MSI1: variants seen among roughly 807,000 people sequenced by gnomAD.
MSI1 encodes the protein musashi RNA binding protein 1, also known as RNA-binding protein Musashi homolog 1.
A neutral mutation model predicts 54.4 loss-of-function variants in MSI1; 15 were observed. The observed-to-expected ratio is 0.28, with a 90% CI of 0.18 to 0.42. The LOEUF is 0.42. Ranked by LOEUF, MSI1 falls within the 20% of genes least tolerant of loss-of-function variation. The pLI is 1.00. For missense variants in MSI1, 304 were observed against 506.0 expected (o/e 0.60, Z 3.83); for synonymous variants, 200 against 196.5 (o/e 1.02, Z -0.15).
At chr12:120,341,171 C>A (rs901844350), downstream of MSI1, among the ~76,000 whole-genome samples, 9 of 152,206 alleles carry the variant, frequency 5.9e-5, no homozygotes, top group African/African-American at 1.7e-4. Flanking sequence ...CAGGCATGAG[C>A]CACTGTGACT....
At chr12:120,361,773 G>GCT (rs1222572315) in intron 6 of MSI1, among the ~76,000 whole-genome samples, 1 of 151,282 alleles carries the variant, frequency 6.6e-6, no homozygotes, top group Non-Finnish European at 1.5e-5. Flanking sequence ...TGTCCCCCTC[G>GCT]CTCCCTGGCA....
chr12:120,368,971 G>A lies in MSI1; in HGVS notation c.59+62C>T. 4 of 1,157,492 alleles carry A rather than the reference G, an allele frequency of 3.5e-6. No individual in the cohort carries two copies. The highest frequency in any genetic ancestry group is 4.3e-6 in the Non-Finnish European group (4 of 936,494). The allele number at this position is 1,157,492 out of a possible 1,614,324, so 71.7% of individuals were successfully genotyped here. ...GCTCCGGGGAGGCCCGGCCGGACCC[G>A]GATCGGCCATGTTGGCGGGGCCGGG... On this transcript the variant is annotated intron_variant, in intron 1 of 14. Coordinates refer to ENST00000257552, the MANE Select transcript of MSI1 (RefSeq NM_002442.4). The surrounding 1 kb of genome is among the most constrained non-coding windows in gnomAD (Gnocchi z 6.6).
intron 6 of MSI1, among the ~76,000 whole-genome samples, chr12:120,359,537 T>C (rs1423420943): frequency 6.6e-6 from 1 of 152,216 alleles, no homozygotes; most frequent in East Asian, 1.9e-4. Flanking sequence ...TTTCCTCTAA[T>C]TGAGGTTTCC....
Position 120,352,364 on chromosome 12 carries a change from CTCT to C in MSI1, c.733+932_733+934del, listed in dbSNP as rs528002669. Among the ~76,000 whole-genome samples, 342 of 151,852 alleles carry C rather than the reference CTCT, an allele frequency of 2.3e-3. 2 individuals are homozygous for C. The highest frequency in any genetic ancestry group is 3.4e-3 in the Middle Eastern group (1 of 294). On this transcript the variant is annotated intron_variant, in intron 10 of 14. Coordinates refer to ENST00000257552, the MANE Select transcript of MSI1 (RefSeq NM_002442.4). Reference sequence around the variant, plus strand: ...ATTACCAAAAACATCTCCCAGAATCCTCTTCTTCTTGTGTGTGTGTGTGTGTGT... The same window carrying C: ...ATTACCAAAAACATCTCCCAGAATCCTCTTCTTGTGTGTGTGTGTGTGTGT...
At position 120,357,879 on chromosome 12, in the gene MSI1, A is replaced by C. The variant is rs751436633; in HGVS notation, c.471T>G (p.Phe157Leu). Residue 157 changes from phenylalanine to leucine, a missense_variant, in exon 8 of 15, where the codon TTT becomes TTG. This residue lies in a region of MSI1 where 105 missense variants were observed against 230.1 expected (regional missense o/e 0.46). Coordinates refer to ENST00000257552, the MANE Select transcript of MSI1 (RefSeq NM_002442.4). ...NRHRGFGFVTFESEDIVEKVC... is the reference protein window; with the variant it reads ...NRHRGFGFVTLESEDIVEKVC... ...CTTTCTCCACGATGTCCTCACTCTC[A>C]AACGTGACAAACCCGAACCCTAGAG... The C allele has an allele frequency of 3.7e-6, 6 of 1,614,142 alleles. No homozygotes were observed. Among genetic ancestry groups the C allele is most frequent in the Non-Finnish European group, 5.1e-6 (6 of 1,179,986 alleles).
intron 10 of MSI1, 42 bp downstream of exon 10, chr12:120,353,257 C>T: frequency 6.3e-7 from 1 of 1,594,478 alleles, no homozygotes. Flanking sequence ...GCCCGGGAAC[C>T]AGGGGCATGC....
At chr12:120,343,212 A>C (rs1873839419) in intron 14 of MSI1, 107 bp from the exon 15 acceptor site, 1 of 151,176 alleles carries the variant, frequency 6.6e-6, no homozygotes, top group South Asian at 2.1e-4. Flanking sequence ...TCTTCTTCTT[A>C]TTTTTTTAGA....
intron 6 of MSI1, among the ~76,000 whole-genome samples, chr12:120,362,522 A>G (rs735382): frequency 0.72 from 108,900 of 151,954 alleles, 39,205 homozygotes; most frequent in South Asian, 0.79. Context: ...GAATTGGGGG[A>G]TGCTCTCATC....
At chr12:120,362,167 C>CA (rs1491215220) in intron 6 of MSI1, among the ~76,000 whole-genome samples, 1 of 151,964 alleles carries the variant, frequency 6.6e-6, no homozygotes, top group Admixed American at 6.5e-5. Context: ...CTCCCCCCCC[C>CA]ACACAATCCC....
rs1029893615 is a variant in MSI1, at chr12:120,368,306, G to A, written c.101-33C>T. On this transcript the variant is annotated intron_variant, in intron 2 of 14. Transcript: ENST00000257552. This position sits in a 1 kb window ranked among gnomAD's most constrained non-coding sequence, Gnocchi z 6.6. ...CACACACCCGCCTTCGGACCAGCCC[G>A]GGCCCCGCGCCCTTCCCCCCCCCCC... The A allele has an allele frequency of 1.2e-5, 18 of 1,527,380 alleles. No individual in the cohort carries two copies. Among genetic ancestry groups the A allele is most frequent in the Non-Finnish European group, 1.6e-5 (18 of 1,141,512 alleles). The allele number at this position is 1,527,380 out of a possible 1,614,324, so 94.6% of individuals were successfully genotyped here.
intron 11 of MSI1, 146 bp from the exon 12 acceptor site, chr12:120,347,660 A>G: frequency 1.1e-6 from 1 of 874,934 alleles, no homozygotes; most frequent in Non-Finnish European, 1.8e-6. Context: ...AGAAAAGGCT[A>G]CCTTGGGCCA....
chr12:120,351,291 C>A, intron 11 of MSI1, 53 bp downstream of exon 11: 3 of 1,529,594 alleles, frequency 2.0e-6, no homozygotes, highest in Non-Finnish European at 2.7e-6. Context: ...CCCTGGGCCC[C>A]TTCTGTTTCT....
chr12:120,354,366 A>T (rs1449821163), intron 9 of MSI1, among the ~76,000 whole-genome samples: 1 of 152,136 alleles, frequency 6.6e-6, no homozygotes, highest in Non-Finnish European at 1.5e-5. Flanking sequence ...TAAGATTAAA[A>T]TTCAGATCTG....
At chr12:120,355,489 A>G (rs1875037213) in intron 9 of MSI1, among the ~76,000 whole-genome samples, 1 of 152,204 alleles carries the variant, frequency 6.6e-6, no homozygotes, top group African/African-American at 2.4e-5. Context: ...ACATGAAAGA[A>G]TATCCCTAAT....
rs1211158481 is a variant in MSI1, at chr12:120,360,045, G to A, written c.403-992C>T. 1.3e-4 allele frequency among the ~76,000 whole-genome samples: 20 copies of A among 152,082 alleles called. No individual in the cohort carries two copies. The East Asian group carries it at 3.9e-3, about 29-fold the overall frequency. ...CTGTCACCCAGGCTGGAGTTCTGTGGCATGATCTCGGCTAACTGCAGCCCC... is the reference window on the plus strand; with the variant it reads ...CTGTCACCCAGGCTGGAGTTCTGTGACATGATCTCGGCTAACTGCAGCCCC... On this transcript the variant is annotated intron_variant, in intron 6 of 14. Transcript: ENST00000257552.
At chr12:120,345,749 T>TC in intron 13 of MSI1, 117 bp from the exon 14 acceptor site, 1 of 1,271,368 alleles carries the variant, frequency 7.9e-7, no homozygotes, top group Non-Finnish European at 1.1e-6. Flanking sequence ...CCTGTCCGGA[T>TC]CGCCCCCCTA....
At chr12:120,358,003 G>T in intron 7 of MSI1, 105 bp from the exon 8 acceptor site, 2 of 921,336 alleles carry the variant, frequency 2.2e-6, no homozygotes, top group Non-Finnish European at 3.5e-6. Context: ...TCTGGCGAGT[G>T]AGAGTTAATG....
chr12:120,368,239 C>A lies in MSI1; in HGVS notation c.135G>T (p.Glu45Asp). ...GLREYFGQFG[E>D]VKECLVMRDP... ...CCCGCATCACCAGACACTCCTTCAC[C>A]TCCCCGAACTGGCCGAAGTATTCGC... Residue 45 changes from glutamate to aspartate, a missense_variant, in exon 3 of 15, where the codon GAG becomes GAT. By Grantham distance (45) the Glu-to-Asp change is conservative (BLOSUM62 2). Around this residue, in one of 4 missense-constraint regions of MSI1, gnomAD observed 105 missense variants for 230.1 expected, o/e 0.46. Transcript: ENST00000257552. This position sits in a 1 kb window ranked among gnomAD's most constrained non-coding sequence, Gnocchi z 6.6. The A allele has an allele frequency of 1.3e-6, 2 of 1,587,018 alleles. No individual in the cohort carries two copies. The highest frequency in any genetic ancestry group is 1.7e-6 in the Non-Finnish European group (2 of 1,165,878).
At position 120,368,707 on chromosome 12, in the gene MSI1, G is replaced by T; in HGVS notation, c.100+126C>A. ...CGCTCTCGGGGTCTCCGGGCGGGGC[G>T]CGAAAGAGGGCGCGAGGGCGCCCGG... is the stretch of plus-strand genomic sequence containing the variant. On this transcript the variant is annotated intron_variant, in intron 2 of 14. Coordinates refer to ENST00000257552, the MANE Select transcript of MSI1 (RefSeq NM_002442.4). This position sits in a 1 kb window ranked among gnomAD's most constrained non-coding sequence, Gnocchi z 6.6. 1.1e-6 allele frequency: 1 copy of T among 874,944 alleles called. No homozygotes were observed. The highest frequency in any genetic ancestry group is 5.4e-5 in the South Asian group (1 of 18,532). The allele number at this position is 874,944 out of a possible 1,614,324, so 54.2% of individuals were successfully genotyped here. A position where few individuals can be genotyped will look rare whatever the true frequency, so the allele number is the denominator to read the frequency against.
Sources: gnomAD v4.1 joint callset for allele counts (sites outside exome capture counted in the v4.1 genomes callset) on GRCh38, gnomAD v4.1.1 for gene constraint, gnomAD v4.1.1 regional missense constraint, Gnocchi (gnomAD v3.1) non-coding constraint, MANE v1.5 for transcripts, NCBI Gene and HGNC (gene_info 2026-07-23, HGNC 2026-07-21) for gene names.